The following ZSWIM5 variants were observed in gnomAD, a reference collection of about 807,000 sequenced individuals.
ZSWIM5 encodes the protein zinc finger SWIM domain-containing protein 5.
ZSWIM5 carries 55 observed loss-of-function variants against 119.6 expected under a neutral mutation model. That is an observed-to-expected ratio of 0.46 (90% CI 0.37 to 0.58). ZSWIM5 has a LOEUF of 0.58. Ranked by LOEUF, ZSWIM5 falls within the 20% of genes least tolerant of loss-of-function variation. ZSWIM5 has a pLI of 0.00. For synonymous variants in ZSWIM5, 537 were observed against 606.9 expected, an observed-to-expected ratio of 0.88 and a Z score of 1.69; for missense variants, 1,193 against 1,512.8, an observed-to-expected ratio of 0.79 and a Z score of 3.51.
In ZSWIM5 at chr1:45,193,938, G is replaced by GTGTATATATATATATATATA. The variant is rs766920512; in HGVS notation, c.595+11817_595+11818insTATATATATATATATATACA. Among the ~76,000 whole-genome samples the GTGTATATATATATATATATA allele has an allele frequency of 1.8e-4, 27 of 146,268 alleles. 1 individual carries two copies. The highest frequency in any genetic ancestry group is 6.3e-4 in the African/African-American group (25 of 39,596). On this transcript the variant is annotated intron_variant, in intron 1 of 13. Transcript: ENST00000359600. ...TATGTGTACATATGTGTGCATATGT[G>GTGTATATATATATATATATA]TATATATATATATATATACATACAT...
chr1:45,092,261 ATAG>A (rs1355113727), intron 1 of ZSWIM5, among the ~76,000 whole-genome samples: 1 of 151,988 alleles, frequency 6.6e-6, no homozygotes, highest in Non-Finnish European at 1.5e-5. Flanking sequence ...TATGAATTTG[ATAG>A]TAGGTGTGAT....
intron 1 of ZSWIM5, among the ~76,000 whole-genome samples, chr1:45,156,366 A>G (rs1188929135): frequency 2.6e-5 from 4 of 152,212 alleles, no homozygotes; most frequent in East Asian, 3.9e-4. Flanking sequence ...GACAGGATCA[A>G]TCATACCCCA....
At chr1:45,192,619 T>C (rs1182946368) in intron 1 of ZSWIM5, among the ~76,000 whole-genome samples, 6 of 152,218 alleles carry the variant, frequency 3.9e-5, no homozygotes, top group Non-Finnish European at 1.5e-5. Flanking sequence ...CTATAAAACA[T>C]GGTTGTATAA....
chr1:45,067,719 A>G (rs1313137252), intron 2 of ZSWIM5, among the ~76,000 whole-genome samples: 3 of 152,334 alleles, frequency 2.0e-5, no homozygotes, highest in East Asian at 3.9e-4. Flanking sequence ...ACTAACTCCC[A>G]GGCAGCATCT....
chr1:45,178,641 G>A (rs931799453), intron 1 of ZSWIM5, among the ~76,000 whole-genome samples: 4 of 151,978 alleles, frequency 2.6e-5, no homozygotes, highest in Non-Finnish European at 5.9e-5. Context: ...TATAACAAAA[G>A]TTTTAATGTA....
chr1:45,037,732 C>A (rs940629021), intron 8 of ZSWIM5, among the ~76,000 whole-genome samples: 1 of 152,180 alleles, frequency 6.6e-6, no homozygotes, highest in Non-Finnish European at 1.5e-5. Flanking sequence ...CTTGGGGCCA[C>A]CCCTTATATC....
intron 2 of ZSWIM5, among the ~76,000 whole-genome samples, chr1:45,062,804 G>A (rs1229727752): frequency 2.0e-5 from 3 of 152,002 alleles, no homozygotes; most frequent in Admixed American, 2.0e-4. Flanking sequence ...ATACCTGGCC[G>A]AGTTTTTTAA....
rs573903604 is a variant in ZSWIM5, at chr1:45,149,219, G to A, written c.595+56537C>T. ...TTTGAGGCTGCAGTGGGCTAGGATCGTACCACATCACGCTAGCCTGGTCAA... is the reference window on the plus strand; with the variant it reads ...TTTGAGGCTGCAGTGGGCTAGGATCATACCACATCACGCTAGCCTGGTCAA... On this transcript the variant is annotated intron_variant, in intron 1 of 13. Transcript: ENST00000359600. 2.3e-4 allele frequency among the ~76,000 whole-genome samples: 35 copies of A among 152,158 alleles called. No individual in the cohort carries two copies. In the South Asian group the frequency reaches 6.2e-3, roughly 27 times the overall value.
intron 1 of ZSWIM5, among the ~76,000 whole-genome samples, chr1:45,092,535 T>TCCC (rs1309993220): frequency 5.9e-4 from 28 of 47,514 alleles, no homozygotes; most frequent in African/African-American, 8.7e-4. Context: ...GACCTCGTGA[T>TCCC]CCACCCCCCC....
intron 1 of ZSWIM5, among the ~76,000 whole-genome samples, chr1:45,100,054 C>T (rs1645428999): frequency 6.6e-6 from 1 of 152,106 alleles, no homozygotes; most frequent in Admixed American, 6.6e-5. Flanking sequence ...CCAGGGCAAT[C>T]AGGCAAGAGA....
At chr1:45,106,311 C>T (rs1455447101) in intron 1 of ZSWIM5, among the ~76,000 whole-genome samples, 8 of 136,130 alleles carry the variant, frequency 5.9e-5, no homozygotes, top group African/African-American at 8.3e-5. Flanking sequence ...GGCCGCCCAT[C>T]GTCTGGGAGG....
intron 1 of ZSWIM5, among the ~76,000 whole-genome samples, chr1:45,200,402 A>G (rs146227192): frequency 5.9e-5 from 9 of 152,366 alleles, no homozygotes; most frequent in South Asian, 2.1e-4. Flanking sequence ...ATAAACCACA[A>G]GGTAAAAAAA....
intron 11 of ZSWIM5, among the ~76,000 whole-genome samples, chr1:45,028,470 C>A (rs1198925936): frequency 6.6e-6 from 1 of 152,008 alleles, no homozygotes; most frequent in South Asian, 2.1e-4. Context: ...ACTTTTTCAT[C>A]AAAAATTTTC....
chr1:45,018,465 G>T lies in ZSWIM5; in HGVS notation c.3547C>A (p.Arg1183Ser). 1 of 1,613,656 alleles carries T rather than the reference G, an allele frequency of 6.2e-7. No homozygotes were observed. Among genetic ancestry groups the T allele is most frequent in the Non-Finnish European group, 8.5e-7 (1 of 1,179,694 alleles). ...KKKLMLLVRE[R>S]FG is the part of the protein sequence containing the mutation. Reference sequence around the variant, plus strand: ...AGCTATCTGCTCTCTCAGCCAAAGCGCTCTCGCACCAGCAGCATCAACTTT... The same window carrying T: ...AGCTATCTGCTCTCTCAGCCAAAGCTCTCTCGCACCAGCAGCATCAACTTT... The change falls in exon 14 of 14, where the codon CGC (arginine) becomes AGC (serine). Residue 1183 changes from arginine to serine, a missense_variant. Arg to Ser is a moderately radical substitution (Grantham distance 110). This residue lies in a region of ZSWIM5 where 961 missense variants were observed against 1,290.0 expected (regional missense o/e 0.74). Transcript: ENST00000359600. The surrounding 1 kb of genome is among the most constrained non-coding windows in gnomAD (Gnocchi z 6.7).
chr1:45,039,416 C>T (rs1392586228), intron 7 of ZSWIM5, among the ~76,000 whole-genome samples: 5 of 152,164 alleles, frequency 3.3e-5, no homozygotes, highest in South Asian at 2.1e-4. Flanking sequence ...GACAGAGTCT[C>T]GCTCTATCGC....
intron 2 of ZSWIM5, 132 bp downstream of exon 2, chr1:45,087,749 G>T (rs539731713): frequency 9.5e-4 from 648 of 682,994 alleles, no homozygotes; most frequent in Non-Finnish European, 1.4e-3. Context: ...TTAAAGTTAA[G>T]TGATTGCAAC....
At chr1:45,032,981 T>C (rs1210861808) in intron 11 of ZSWIM5, among the ~76,000 whole-genome samples, 2 of 152,154 alleles carry the variant, frequency 1.3e-5, no homozygotes, top group African/African-American at 4.8e-5. Flanking sequence ...TGTGCCATGG[T>C]ATAGTTTTCT....
chr1:45,034,123 A>T (rs939470471), intron 11 of ZSWIM5, among the ~76,000 whole-genome samples, 189 bp downstream of exon 11: 14 of 152,188 alleles, frequency 9.2e-5, no homozygotes, highest in African/African-American at 3.4e-4. Flanking sequence ...AAGTGCTGGG[A>T]TTACAGGCGT....
chr1:45,181,890 T>C (rs1041191274), intron 1 of ZSWIM5, among the ~76,000 whole-genome samples: 2 of 152,066 alleles, frequency 1.3e-5, no homozygotes, highest in Non-Finnish European at 2.9e-5. Flanking sequence ...CTGAGAGATT[T>C]TGTCACCACC....
Sources: allele counts gnomAD v4.1 joint callset (sites outside exome capture counted in the v4.1 genomes callset), GRCh38; gene constraint gnomAD v4.1.1; regional missense constraint gnomAD v4.1.1; non-coding constraint Gnocchi (gnomAD v3.1); transcripts MANE v1.5; gene names NCBI Gene and HGNC (gene_info 2026-07-23, HGNC 2026-07-21).